Variants in OTUD4 observed in about 807,000 individuals in gnomAD.
The protein encoded by OTUD4 is OTU domain-containing protein 4.
OTUD4 carries 24 observed loss-of-function variants against 130.4 expected under a neutral mutation model. The observed-to-expected ratio is 0.18, with a 90% CI of 0.13 to 0.26. The LOEUF is 0.26. Ranked by LOEUF, OTUD4 falls within the 10% of genes least tolerant of loss-of-function variation. OTUD4 has a pLI of 1.00. For synonymous variants in OTUD4, 420 were observed against 472.5 expected (o/e 0.89, Z 1.44); for missense variants, 1,031 against 1,329.4 (o/e 0.78, Z 3.49).
intron 1 of OTUD4, among the ~76,000 whole-genome samples, chr4:145,178,827 G>T (rs771932158): frequency 3.3e-5 from 5 of 152,106 alleles, no homozygotes; most frequent in Admixed American, 6.5e-5. Context: ...ATTCAAAAAA[G>T]GTGAGGGAAA....
At chr4:145,155,279 G>T in intron 10 of OTUD4, 132 bp downstream of exon 10, 1 of 715,914 alleles carries the variant, frequency 1.4e-6, no homozygotes, top group Non-Finnish European at 2.4e-6. Context: ...CTATTAAAAT[G>T]TATATACATG....
In OTUD4 at chr4:145,141,379, C is replaced by G; in HGVS notation, c.2083G>C (p.Asp695His). The change falls in exon 19 of 21, where the codon GAT (aspartate) becomes CAT (histidine). Residue 695 changes from aspartate (D) to histidine (H), a missense_variant and splice_region_variant. By Grantham distance (81) the Asp-to-His change is moderately conservative. Transcript: ENST00000447906. The stretch of plus-strand genomic sequence containing the variant: ...ATTTGAACTTGGAGAAGGAGCTCAC[C>G]TTTAGGTAGGTCCTCCCCAGTCTGA... ...LCQTGEDLPK[D>H]KNILRFFFNL... The G allele has an allele frequency of 6.3e-7, 1 of 1,595,216 alleles. No individual in the cohort carries two copies. Among genetic ancestry groups the G allele is most frequent in the Non-Finnish European group, 8.5e-7 (1 of 1,171,808 alleles).
At chr4:145,155,760 TAA>T in intron 8 of OTUD4, 74 bp from the exon 9 acceptor site, 5 of 1,099,460 alleles carry the variant, frequency 4.5e-6, no homozygotes, top group Middle Eastern at 2.0e-4. Flanking sequence ...CACGTAAAAC[TAA>T]AGTCAAATGA....
chr4:145,162,776 A>T (rs1751643857), intron 5 of OTUD4, 55 bp from the exon 6 acceptor site: 1 of 820,876 alleles, frequency 1.2e-6, no homozygotes, highest in Non-Finnish European at 2.0e-6. Flanking sequence ...TAACATTTAC[A>T]TAGCAATGTA....
intron 1 of OTUD4, among the ~76,000 whole-genome samples, chr4:145,175,785 C>T (rs769334261): frequency 4.6e-5 from 7 of 151,062 alleles, no homozygotes; most frequent in Non-Finnish European, 8.8e-5. Context: ...CCTCGTGATC[C>T]GCCCACCTCG....
chr4:145,156,339 C>T (rs1486558920), intron 7 of OTUD4, among the ~76,000 whole-genome samples: 3 of 152,114 alleles, frequency 2.0e-5, no homozygotes, highest in African/African-American at 7.2e-5. Context: ...AAACACAATC[C>T]ATTTACAACA....
chr4:145,150,978 T>C, intron 11 of OTUD4, 73 bp from the exon 12 acceptor site: 1 of 836,656 alleles, frequency 1.2e-6, no homozygotes, highest in Non-Finnish European at 1.8e-6. Context: ...GCATATTTAT[T>C]TTCAGCTTAT....
At chr4:145,141,938 T>C (rs1216545308) in intron 18 of OTUD4, among the ~76,000 whole-genome samples, 1 of 152,168 alleles carries the variant, frequency 6.6e-6, no homozygotes, top group Admixed American at 6.5e-5. Flanking sequence ...ACCGTGGTGC[T>C]AATTAGTGCT....
intron 17 of OTUD4, among the ~76,000 whole-genome samples, chr4:145,142,900 T>A (rs1485555240): frequency 6.6e-6 from 1 of 152,224 alleles, no homozygotes; most frequent in Non-Finnish European, 1.5e-5. Context: ...AGGTTCATCA[T>A]GAAATTTGTA....
chr4:145,147,091 T>C (rs945402600), intron 13 of OTUD4, among the ~76,000 whole-genome samples: 3 of 152,220 alleles, frequency 2.0e-5, no homozygotes, highest in South Asian at 2.1e-4. Context: ...TAATGTGTTA[T>C]ATGGCTTATA....
At chr4:145,166,805 C>T (rs1484776708) in intron 3 of OTUD4, among the ~76,000 whole-genome samples, 1 of 152,206 alleles carries the variant, frequency 6.6e-6, no homozygotes, top group Non-Finnish European at 1.5e-5. Context: ...CGCTGCTGCA[C>T]TCCAGCCTGG....
In OTUD4 at chr4:145,180,505, G is replaced by A. The variant is rs901459100; in HGVS notation, c.-532C>T. 1.3e-5 allele frequency among the ~76,000 whole-genome samples: 2 copies of A among 152,248 alleles called. No homozygotes were observed. ...CGCTGGAGGGCGCCGGAGGGGCAGG[G>A]AGCGGGTGGGGGCGCCCGGGAGAGA... On this transcript the variant is annotated 5_prime_UTR_variant, in exon 1 of 21. Transcript: ENST00000447906.
chr4:145,141,371 G>T lies in OTUD4; in HGVS notation c.2083+8C>A. The T allele has an allele frequency of 1.3e-6, 2 of 1,571,578 alleles. No homozygotes were observed. The highest frequency in any genetic ancestry group is 1.7e-6 in the Non-Finnish European group (2 of 1,160,060). ...TAAAGTCGATTTGAACTTGGAGAAG[G>T]AGCTCACCTTTAGGTAGGTCCTCCC... On this transcript the variant is annotated splice_region_variant and intron_variant, in intron 19 of 20. Transcript: ENST00000447906.
intron 15 of OTUD4, 107 bp downstream of exon 15, chr4:145,144,200 TTAGA>T (rs1189215267): frequency 1.2e-5 from 15 of 1,214,422 alleles, no homozygotes; most frequent in East Asian, 2.3e-5. Context: ...ATATGTGACA[TTAGA>T]TAAACTACTT....
chr4:145,138,032 C>T lies in OTUD4; in HGVS notation c.2743G>A (p.Ala915Thr). 2 of 1,614,226 alleles carry T rather than the reference C, an allele frequency of 1.2e-6. No homozygotes were observed. Among genetic ancestry groups the T allele is most frequent in the Non-Finnish European group, 8.5e-7 (1 of 1,180,032 alleles). The change falls in exon 21 of 21, where the codon GCC becomes ACC. Residue 915 changes from alanine to threonine, a missense_variant. Around this residue, in one of 3 missense-constraint regions of OTUD4, gnomAD observed 900 missense variants for 1,095.9 expected, o/e 0.82. Transcript: ENST00000447906. ...SVSTVDEFPE[A>T]RGEHVHSLPE... ...AGAGAATGTACATGTTCACCCCTGG[C>T]TTCTGGAAACTCATCTACTGTTGAA...
chr4:145,156,503 G>C (rs1345739943), intron 7 of OTUD4, among the ~76,000 whole-genome samples: 2 of 152,054 alleles, frequency 1.3e-5, no homozygotes, highest in African/African-American at 2.4e-5. Context: ...GACCAACATG[G>C]AGAAACCCCA....
In OTUD4 at chr4:145,165,404, C is replaced by T. The variant is rs141997930; in HGVS notation, c.295-207G>A. Among the ~76,000 whole-genome samples, 59 of 151,404 alleles carry T rather than the reference C, an allele frequency of 3.9e-4. No individual in the cohort carries two copies. The East Asian group carries it at 0.01, about 27-fold the overall frequency. ...AGTCCAAGTCTCTCCCACACATACA[C>T]AAAAAAATACTAACAGGGTGAAATG... On this transcript the variant is annotated intron_variant, in intron 3 of 20. Coordinates refer to ENST00000447906, the MANE Select transcript of OTUD4 (RefSeq NM_001366057.1).
chr4:145,148,233 C>T (rs1403236736), intron 13 of OTUD4, among the ~76,000 whole-genome samples: 2 of 152,208 alleles, frequency 1.3e-5, no homozygotes, highest in Admixed American at 1.3e-4. Context: ...GGTGCGGTGG[C>T]TCACGCCTGT....
intron 16 of OTUD4, 25 bp downstream of exon 16, chr4:145,143,921 T>C (rs751237844): frequency 7.6e-6 from 12 of 1,569,618 alleles, no homozygotes; most frequent in South Asian, 2.2e-5. Context: ...AAAGAAAAGA[T>C]GCAAGTAGTG....
Sources: gnomAD v4.1 joint callset for allele counts (sites outside exome capture counted in the v4.1 genomes callset) on GRCh38, gnomAD v4.1.1 for gene constraint, gnomAD v4.1.1 regional missense constraint, MANE v1.5 for transcripts, NCBI Gene and HGNC (gene_info 2026-07-23, HGNC 2026-07-21) for gene names.